Variants in DPYD observed in about 807,000 individuals in gnomAD.
DPYD encodes dihydropyrimidine dehydrogenase, also known as dihydropyrimidine dehydrogenase [NADP(+)].
A neutral mutation model predicts 116.2 loss-of-function variants in DPYD; 109 were observed. The observed-to-expected ratio is 0.94, with a 90% confidence interval of 0.80 to 1.10. The LOEUF (loss-of-function observed/expected upper bound fraction) is 1.10. Ranked by LOEUF, DPYD falls within the 50% of genes least tolerant of loss-of-function variation. The probability of loss-of-function intolerance (pLI) is 0.00; values close to 1 mark genes in which losing one functional copy is unlikely to be tolerated. For missense variants in DPYD, 1,302 were observed against 1,254.5 expected (o/e 1.04, Z -0.57); for synonymous variants, 440 against 432.0 (o/e 1.02, Z -0.23).
At chr1:97,108,421 G>A (rs1651339275) in intron 20 of DPYD, among the ~76,000 whole-genome samples, 1 of 152,118 alleles carries the variant, frequency 6.6e-6, no homozygotes, top group African/African-American at 2.4e-5. Flanking sequence ...ATGCCTAGGT[G>A]GCATCACATT....
chr1:97,714,363 C>T (rs1039997555), intron 5 of DPYD, among the ~76,000 whole-genome samples: 3 of 151,914 alleles, frequency 2.0e-5, no homozygotes, highest in African/African-American at 7.3e-5. Flanking sequence ...AAGGTGCACA[C>T]CACCACAGCT....
At chr1:97,466,067 C>T (rs562327202) in intron 13 of DPYD, among the ~76,000 whole-genome samples, 1 of 152,280 alleles carries the variant, frequency 6.6e-6, no homozygotes, top group South Asian at 2.1e-4. Context: ...CACCACTGCA[C>T]TCCAGCCTGG....
intron 19 of DPYD, among the ~76,000 whole-genome samples, chr1:97,229,115 A>G (rs1287840728): frequency 1.3e-5 from 2 of 150,906 alleles, no homozygotes; most frequent in Non-Finnish European, 3.0e-5. Flanking sequence ...GAGGCAGGAG[A>G]ATGGTGTGAA....
At chr1:97,747,474 T>C (rs547381545) in intron 3 of DPYD, among the ~76,000 whole-genome samples, 4 of 152,130 alleles carry the variant, frequency 2.6e-5, no homozygotes, top group African/African-American at 9.6e-5. Flanking sequence ...GGATTGAGAG[T>C]ATGTACTTAA....
intron 8 of DPYD, among the ~76,000 whole-genome samples, chr1:97,649,029 G>C (rs1223316912): frequency 6.6e-6 from 1 of 151,956 alleles, no homozygotes; most frequent in African/African-American, 2.4e-5. Flanking sequence ...TAATTAGTAA[G>C]AAGAACAAAT....
At chr1:97,742,367 C>T (rs374387511) in intron 3 of DPYD, among the ~76,000 whole-genome samples, 1 of 152,208 alleles carries the variant, frequency 6.6e-6, no homozygotes, top group East Asian at 1.9e-4. Flanking sequence ...AATCTGATCT[C>T]TTTTCTCTGG....
At chr1:97,094,815 A>G (rs1318555933) in intron 21 of DPYD, among the ~76,000 whole-genome samples, 1 of 152,150 alleles carries the variant, frequency 6.6e-6, no homozygotes, top group Non-Finnish European at 1.5e-5. Context: ...AGAGAGGTGA[A>G]TACAGACACC....
intron 7 of DPYD, among the ~76,000 whole-genome samples, chr1:97,683,833 A>G (rs1353268324): frequency 6.6e-6 from 1 of 152,120 alleles, no homozygotes; most frequent in Admixed American, 6.5e-5. Context: ...AGCAAATGAA[A>G]ATACTATCCT....
intron 16 of DPYD, among the ~76,000 whole-genome samples, chr1:97,328,864 A>G (rs1055295624): frequency 2.0e-5 from 3 of 152,160 alleles, no homozygotes; most frequent in Admixed American, 2.0e-4. Context: ...TACTGTGATT[A>G]TGTTGCAATC....
intron 13 of DPYD, among the ~76,000 whole-genome samples, chr1:97,457,290 C>T (rs1676740252): frequency 6.6e-6 from 1 of 152,122 alleles, no homozygotes. Flanking sequence ...ACCAAATGTT[C>T]CTCACCTCTT....
chr1:97,625,997 T>G (rs886695779), intron 8 of DPYD, among the ~76,000 whole-genome samples: 3 of 152,062 alleles, frequency 2.0e-5, no homozygotes, highest in Non-Finnish European at 4.4e-5. Context: ...ATAATTGTTC[T>G]TTTCGGGTCA....
chr1:97,535,829 T>A (rs551900949), intron 12 of DPYD, among the ~76,000 whole-genome samples: 1 of 152,132 alleles, frequency 6.6e-6, no homozygotes, highest in African/African-American at 2.4e-5. Flanking sequence ...AAAAATAAAT[T>A]CTCCTTTACA....
In DPYD at chr1:97,323,427, T is replaced by C. The variant is rs182490250; in HGVS notation, c.2059-17130A>G. On this transcript the variant is annotated intron_variant, in intron 16 of 22. Coordinates refer to ENST00000370192, the MANE Select transcript of DPYD (RefSeq NM_000110.4). Reference sequence around the variant, plus strand: ...GTGTATATGTACACGTATATATACATATGTGTATATGTACACGTATATACA... The same window carrying C: ...GTGTATATGTACACGTATATATACACATGTGTATATGTACACGTATATACA... Among the ~76,000 whole-genome samples, 9 of 130,448 alleles carry C rather than the reference T, an allele frequency of 6.9e-5. 1 individual carries two copies. Among genetic ancestry groups the C allele is most frequent in the African/African-American group, 2.4e-4 (9 of 38,146 alleles). 85.6% of individuals were successfully genotyped at this position (130,448 alleles called of 152,430 possible).
At chr1:97,580,764 G>C (rs751849682) in intron 10 of DPYD, among the ~76,000 whole-genome samples, 6 of 151,968 alleles carry the variant, frequency 3.9e-5, no homozygotes, top group Non-Finnish European at 5.9e-5. Flanking sequence ...CTATGACCCA[G>C]GTGATGTCTT....
In DPYD at chr1:97,306,234, CA is replaced by C. The variant is rs1475611014; in HGVS notation, c.2121del (p.Phe707LeufsTer4). On this transcript the variant is annotated frameshift_variant, in exon 17 of 23. Transcript: ENST00000370192. LOFTEE classifies it high-confidence loss of function. ...TCAGTGACATTTGGGGTCAGCTTGG[CA>C]AAAAAAGGAATCTGAACAGCTTGCC... ...WVRQAVQIPF[F>X]AKLTPNVTDI... is the part of the protein sequence containing the mutation. 1 of 1,612,292 alleles carries C rather than the reference CA, an allele frequency of 6.2e-7. No homozygotes were observed. The highest frequency in any genetic ancestry group is 8.5e-7 in the Non-Finnish European group (1 of 1,178,884).
intron 16 of DPYD, among the ~76,000 whole-genome samples, chr1:97,320,635 T>A (rs1375600829): frequency 1.2e-5 from 1 of 82,872 alleles, no homozygotes; most frequent in Non-Finnish European, 2.4e-5. Context: ...GAAGAGTCAA[T>A]ATCGTGAAAA....
In DPYD at chr1:97,828,133, C is replaced by G. The variant is rs1571426976; in HGVS notation, c.214G>C (p.Ala72Pro). 6.2e-7 allele frequency: 1 copy of G among 1,613,742 alleles called. No individual in the cohort carries two copies. The highest frequency in any genetic ancestry group is 2.2e-5 in the East Asian group (1 of 44,846). The change falls in exon 3 of 23, where the codon GCT (alanine) becomes CCT (proline). Residue 72 changes from alanine (A) to proline (P), a missense_variant. Physicochemically the swap from Ala to Pro is conservative, Grantham distance 27 (BLOSUM62 -1). Coordinates refer to ENST00000370192, the MANE Select transcript of DPYD (RefSeq NM_000110.4). ...IKHTTLGERG[A>P]LREAMRCLKC... is the part of the protein sequence containing the mutation. Reference sequence around the variant, plus strand: ...ACTTACCTCATTGCTTCTCGGAGAGCTCCTCGCTCACCAAGAGTCGTGTGC... The same window carrying G: ...ACTTACCTCATTGCTTCTCGGAGAGGTCCTCGCTCACCAAGAGTCGTGTGC...
intron 5 of DPYD, chr1:97,719,894 A>C: frequency 3.0e-6 from 3 of 985,122 alleles, no homozygotes; most frequent in Non-Finnish European, 3.6e-6. Flanking sequence ...CATCTACTGC[A>C]GTCCTAATCT....
chr1:97,264,257 G>GGCTCAAGCGATCTTCC (rs1664083863), intron 18 of DPYD, among the ~76,000 whole-genome samples: 1 of 142,524 alleles, frequency 7.0e-6, no homozygotes, highest in Non-Finnish European at 1.5e-5. Context: ...CAAATTCTTG[G>GGCTCAAGCGATCTTCC]GCTCAAGCGA....
Sources: gnomAD v4.1 joint callset for allele counts (sites outside exome capture counted in the v4.1 genomes callset) on GRCh38, gnomAD v4.1.1 for gene constraint, MANE v1.5 for transcripts, NCBI Gene and HGNC (gene_info 2026-07-23, HGNC 2026-07-21) for gene names.